NHLRC2: variants seen among roughly 807,000 people sequenced by gnomAD.
NHLRC2 encodes the protein NHL repeat-containing protein 2.
NHLRC2 carries 33 observed loss-of-function variants against 68.1 expected under a neutral mutation model. That is an observed-to-expected ratio of 0.48 (90% confidence interval 0.37 to 0.65). The LOEUF (loss-of-function observed/expected upper bound fraction) is 0.65. Among genes scored for constraint, NHLRC2 ranks in the 30% least tolerant of loss-of-function variants. The probability of loss-of-function intolerance (pLI) is 0.00; values close to 1 mark genes in which losing one functional copy is unlikely to be tolerated. For synonymous variants in NHLRC2, 311 were observed against 309.6 expected (o/e 1.00, Z -0.05); for missense variants, 761 against 853.8 (o/e 0.89, Z 1.35).
chr10:113,890,509 G>T (rs183521896), intron 5 of NHLRC2, among the ~76,000 whole-genome samples: 1 of 151,846 alleles, frequency 6.6e-6, no homozygotes, highest in East Asian at 1.9e-4. Flanking sequence ...GTGGTTTGAT[G>T]TTCATTATTG....
chr10:113,873,588 G>A (rs779749916), intron 2 of NHLRC2, among the ~76,000 whole-genome samples: 18 of 152,070 alleles, frequency 1.2e-4, no homozygotes, highest in African/African-American at 2.7e-4. Context: ...GTGTGTGTGC[G>A]TATGTTCTTG....
At chr10:113,874,647 C>G (rs1045600470) in intron 2 of NHLRC2, among the ~76,000 whole-genome samples, 1 of 151,704 alleles carries the variant, frequency 6.6e-6, no homozygotes, top group African/African-American at 2.4e-5. Flanking sequence ...TTTTTCTGCC[C>G]CAATCTTATT....
Position 113,856,909 on chromosome 10 carries a change from G to A in NHLRC2, c.179-1619G>A, listed in dbSNP as rs143021607. Among the ~76,000 whole-genome samples, 750 of 152,260 alleles carry A rather than the reference G, an allele frequency of 4.9e-3. 5 individuals carry two copies. The highest frequency in any genetic ancestry group is 6.1e-3 in the Non-Finnish European group (418 of 67,984). ...ACATGTTTATAGGAGACAGTGCAGT[G>A]TAATGGATAGATTCACAGAGACCTG... is the stretch of plus-strand genomic sequence containing the variant. On this transcript the variant is annotated intron_variant, in intron 1 of 10. Transcript: ENST00000369301.
chr10:113,864,468 G>C (rs981112241), intron 2 of NHLRC2, among the ~76,000 whole-genome samples: 2 of 152,180 alleles, frequency 1.3e-5, no homozygotes, highest in East Asian at 3.9e-4. Context: ...GGGAGGCCAA[G>C]GCAGGCGGAT....
intron 2 of NHLRC2, among the ~76,000 whole-genome samples, chr10:113,871,231 T>G (rs577331336): frequency 6.6e-6 from 1 of 151,870 alleles, no homozygotes; most frequent in Non-Finnish European, 1.5e-5. Flanking sequence ...TCCATGTTGG[T>G]CAGGCTGGTC....
intron 2 of NHLRC2, among the ~76,000 whole-genome samples, chr10:113,867,904 A>G (rs932615737): frequency 1.1e-4 from 16 of 152,218 alleles, no homozygotes; most frequent in Admixed American, 5.2e-4. Context: ...ACGTCTCTCA[A>G]TAAGACTTTT....
At chr10:113,878,767 G>A (rs139923054) in intron 3 of NHLRC2, among the ~76,000 whole-genome samples, 2,390 of 152,236 alleles carry the variant, frequency 0.016, 37 homozygotes, top group Non-Finnish European at 0.023. Context: ...GACCTCAAGT[G>A]ATCTGCCTGC....
At position 113,914,935 on chromosome 10, in the gene NHLRC2, G is replaced by A. The variant is rs773603970; in HGVS notation, c.*6399G>A. On this transcript the variant is annotated 3_prime_UTR_variant, in exon 11 of 11. Transcript: ENST00000369301. ...CTGGCCCCTTTACATATGAGCTCTG[G>A]AGGTTCGCCTGGCTGCCTCAGGCTT... is the stretch of plus-strand genomic sequence containing the variant. 1 of 455,660 alleles carries A rather than the reference G, an allele frequency of 2.2e-6. No homozygotes were observed. 28.2% of individuals were successfully genotyped at this position (455,660 alleles called of 1,614,324 possible).
Position 113,909,681 on chromosome 10 carries a change from T to TA in NHLRC2, c.*1146dup, listed in dbSNP as rs996799725. 6.6e-6 allele frequency: 1 copy of TA among 152,114 alleles called. No individual in the cohort carries two copies. The highest frequency in any genetic ancestry group is 2.4e-5 in the African/African-American group (1 of 41,450). The allele number at this position is 152,114 out of a possible 1,614,324, so 9.4% of individuals were successfully genotyped here. ...GTTGTTTTTTATCCCTAAAAAAAGATATTGGAAAGGTTTTTTTTCTATTGT... is the reference window on the plus strand; with the variant it reads ...GTTGTTTTTTATCCCTAAAAAAAGATAATTGGAAAGGTTTTTTTTCTATTGT... On this transcript the variant is annotated 3_prime_UTR_variant, in exon 11 of 11. Coordinates refer to ENST00000369301, the MANE Select transcript of NHLRC2 (RefSeq NM_198514.4).
intron 10 of NHLRC2, among the ~76,000 whole-genome samples, chr10:113,905,652 C>T (rs905445213): frequency 1.3e-5 from 2 of 152,140 alleles, no homozygotes. Context: ...GTCCTGGTCT[C>T]CCACGCTCTT....
chr10:113,886,870 G>A (rs1209297792), intron 5 of NHLRC2, among the ~76,000 whole-genome samples: 1 of 152,198 alleles, frequency 6.6e-6, no homozygotes, highest in Non-Finnish European at 1.5e-5. Context: ...AAATAGACCA[G>A]TGGGATTGCA....
In NHLRC2 at chr10:113,916,353, C is replaced by T. The variant is rs938375894; in HGVS notation, c.*7817C>T. On this transcript the variant is annotated 3_prime_UTR_variant, in exon 11 of 11. Coordinates refer to ENST00000369301, the MANE Select transcript of NHLRC2 (RefSeq NM_198514.4). ...ACAATAGTAGTTTCTGTAGAAGTTT[C>T]AGTGAGAAATTATGGTTATATAAAT... The T allele has an allele frequency of 6.6e-6, 1 of 152,172 alleles. No homozygotes were observed. The highest frequency in any genetic ancestry group is 1.5e-5 in the Non-Finnish European group (1 of 68,020). 9.4% of individuals were successfully genotyped at this position (152,172 alleles called of 1,614,324 possible).
At chr10:113,892,837 C>T (rs1459707026) in intron 5 of NHLRC2, among the ~76,000 whole-genome samples, 2 of 152,096 alleles carry the variant, frequency 1.3e-5, no homozygotes, top group African/African-American at 4.8e-5. Context: ...CTTTATACCT[C>T]AACTTCCCCA....
In NHLRC2 at chr10:113,916,238, T is replaced by C. The variant is rs968575887; in HGVS notation, c.*7702T>C. 1 of 152,218 alleles carries C rather than the reference T, an allele frequency of 6.6e-6. No homozygotes were observed. Among genetic ancestry groups the C allele is most frequent in the African/African-American group, 2.4e-5 (1 of 41,448 alleles). The allele number at this position is 152,218 out of a possible 1,614,324, so 9.4% of individuals were successfully genotyped here. On this transcript the variant is annotated 3_prime_UTR_variant, in exon 11 of 11. Transcript: ENST00000369301. ...GTATAGAGTTGGAATGTATTGTTCG[T>C]GCATGCCTGTGATATTCATCATCAA...
intron 2 of NHLRC2, among the ~76,000 whole-genome samples, chr10:113,874,044 T>A (rs1023944225): frequency 6.6e-6 from 1 of 152,164 alleles, no homozygotes; most frequent in Admixed American, 6.5e-5. Flanking sequence ...GTGTATTTGG[T>A]TATATTTGTT....
intron 5 of NHLRC2, among the ~76,000 whole-genome samples, chr10:113,887,511 T>C (rs1254451100): frequency 6.6e-6 from 1 of 152,198 alleles, no homozygotes; most frequent in Non-Finnish European, 1.5e-5. Context: ...GGCTCATGCC[T>C]GTAATCCCAG....
At position 113,902,549 on chromosome 10, in the gene NHLRC2, A is replaced by C; in HGVS notation, c.1450A>C (p.Lys484Gln). ...LQHPLGVTWD[K>Q]KRNLLYVADS... ...ACACCCCCTTGGAGTAACATGGGACAAAAAAAGGAATTTACTTTATGTTGC... is the reference window on the plus strand; with the variant it reads ...ACACCCCCTTGGAGTAACATGGGACCAAAAAAGGAATTTACTTTATGTTGC... The change falls in exon 8 of 11, where the codon AAA becomes CAA. Residue 484 changes from lysine to glutamine, a missense_variant. By Grantham distance (53) the Lys-to-Gln change is moderately conservative. Transcript: ENST00000369301. 6.2e-7 allele frequency: 1 copy of C among 1,605,344 alleles called. No homozygotes were observed.
chr10:113,873,586 G>A (rs1218565661), intron 2 of NHLRC2, among the ~76,000 whole-genome samples: 1 of 152,064 alleles, frequency 6.6e-6, no homozygotes, highest in Non-Finnish European at 1.5e-5. Flanking sequence ...AGGTGTGTGT[G>A]CGTATGTTCT....
chr10:113,872,987 A>G (rs1287726599), intron 2 of NHLRC2, among the ~76,000 whole-genome samples: 1 of 152,198 alleles, frequency 6.6e-6, no homozygotes, highest in Non-Finnish European at 1.5e-5. Context: ...TTGACCCAGA[A>G]CAGTCCAAGA....
Sources: allele counts gnomAD v4.1 joint callset (sites outside exome capture counted in the v4.1 genomes callset), GRCh38; gene constraint gnomAD v4.1.1; transcripts MANE v1.5; gene names NCBI Gene and HGNC (gene_info 2026-07-23, HGNC 2026-07-21).